Variants in CABP5 observed in about 807,000 individuals in gnomAD.
CABP5 encodes calcium-binding protein 5.
CABP5 carries 17 observed loss-of-function variants against 21.9 expected under a neutral mutation model. That is an observed-to-expected ratio of 0.78 (90% CI 0.53 to 1.17). The LOEUF (loss-of-function observed/expected upper bound fraction) is 1.17, where lower values mean the gene tolerates loss of function less well. CABP5 is among the 50% of genes most tolerant of loss of function. CABP5 has a pLI of 0.00. For missense variants in CABP5, 229 were observed against 228.9 expected (o/e 1.00, Z 0.00); for synonymous variants, 85 against 79.4 (o/e 1.07, Z -0.37).
rs1967326592 is a variant in CABP5 at position 48,030,500 on chromosome 19, A to G, written c.*57T>C. 1 of 1,568,462 alleles carries G rather than the reference A, an allele frequency of 6.4e-7. No homozygotes were observed. Among genetic ancestry groups the G allele is most frequent in the African/African-American group, 1.4e-5 (1 of 72,184 alleles). ...TGGGGCTTTTGGGCTTTGGTTCTCCACAAGCGCTTGCTCCATGTTGACCAG... is the reference window on the plus strand; with the variant it reads ...TGGGGCTTTTGGGCTTTGGTTCTCCGCAAGCGCTTGCTCCATGTTGACCAG... On this transcript the variant is annotated 3_prime_UTR_variant, in exon 6 of 6. Coordinates refer to ENST00000293255, the MANE Select transcript of CABP5 (RefSeq NM_019855.5).
intron 5 of CABP5, among the ~76,000 whole-genome samples, chr19:48,031,961 C>T (rs1967345085): frequency 1.3e-5 from 2 of 151,470 alleles, no homozygotes; most frequent in Admixed American, 1.3e-4. Flanking sequence ...TTCCTCCTCT[C>T]TATCTAGGAT....
At chr19:48,038,168 G>C (rs1373972751) in intron 4 of CABP5, among the ~76,000 whole-genome samples, 1 of 152,100 alleles carries the variant, frequency 6.6e-6, no homozygotes, top group Non-Finnish European at 1.5e-5. Flanking sequence ...ACCTGCATCG[G>C]CCTCCCAAAG....
At chr19:48,043,390 A>G (rs1470802555) in intron 1 of CABP5, among the ~76,000 whole-genome samples, 1 of 150,450 alleles carries the variant, frequency 6.6e-6, no homozygotes. Flanking sequence ...GTAAAATGGG[A>G]ATGAAAGTCA....
chr19:48,035,060 CAA>C (rs1461583748), intron 4 of CABP5, among the ~76,000 whole-genome samples: 1 of 152,104 alleles, frequency 6.6e-6, no homozygotes, highest in African/African-American at 2.4e-5. Flanking sequence ...CAATAGATCT[CAA>C]AAGTTATTCC....
intron 4 of CABP5, among the ~76,000 whole-genome samples, chr19:48,037,259 C>CTTTTTTTTT (rs57230665): frequency 0.039 from 1,734 of 44,910 alleles, 441 homozygotes; most frequent in African/African-American, 0.064. Context: ...TACTATTCAG[C>CTTTTTTTTT]TTTTTTTTTT....
chr19:48,034,226 A>C lies in CABP5; in HGVS notation c.485T>G (p.Val162Gly), dbSNP rs894782007. The C allele has an allele frequency of 1.1e-5, 17 of 1,584,338 alleles. No individual in the cohort carries two copies. The highest frequency in any genetic ancestry group is 1.4e-5 in the Non-Finnish European group (16 of 1,166,266). ...READVNGDGT[V>G]DFEEFVKMMS... ...CCCGTCAATGTCACCTTCAAAGTCA[A>C]CTGTGCCGTCTCCATTAACATCAGC... Residue 162 changes from valine (V) to glycine (G), a missense_variant, in exon 5 of 6, where the codon GTT becomes GGT. Coordinates refer to ENST00000293255, the MANE Select transcript of CABP5 (RefSeq NM_019855.5).
chr19:48,039,278 A>G lies in CABP5; in HGVS notation c.278T>C (p.Met93Thr). Residue 93 changes from methionine to threonine, a missense_variant, in exon 4 of 6, where the codon ATG becomes ACG. By Grantham distance (81) the Met-to-Thr change is moderately conservative (BLOSUM62 -1). Transcript: ENST00000293255. ...RVDFDDFVELMTPKLLAETAG... is the reference protein window; with the variant it reads ...RVDFDDFVELTTPKLLAETAG... Reference sequence around the variant, plus strand: ...TGTTTCTGCAAGCAATTTGGGGGTCATCAGCTCCACAAAGTCATCAAAGTC... The same window carrying G: ...TGTTTCTGCAAGCAATTTGGGGGTCGTCAGCTCCACAAAGTCATCAAAGTC... 2.5e-6 allele frequency: 4 copies of G among 1,614,134 alleles called. No homozygotes were observed. Among genetic ancestry groups the G allele is most frequent in the East Asian group, 4.5e-5 (2 of 44,874 alleles).
rs766598543 is a variant in CABP5, at chr19:48,030,561, C to T, written c.518G>A (p.Arg173His). The change falls in exon 6 of 6, where the codon CGC becomes CAC. Residue 173 changes from arginine (R) to histidine (H), a missense_variant. Arg to His is a conservative substitution (Grantham distance 29). Transcript: ENST00000293255. The part of the protein sequence containing the change: ...DFEEFVKMMS[R>H] ...TCTGGAGCTTCCAGGACCTCCTCAG[C>T]GAGACATCATCTTCACAAACTCTGC... 8.1e-6 allele frequency: 13 copies of T among 1,612,820 alleles called. No homozygotes were observed. Among genetic ancestry groups the T allele is most frequent in the Non-Finnish European group, 1.1e-5 (13 of 1,179,696 alleles).
chr19:48,041,748 T>C (rs116106209), intron 1 of CABP5, 145 bp from the exon 2 acceptor site: 1 of 698,868 alleles, frequency 1.4e-6, no homozygotes, highest in Non-Finnish European at 2.3e-6. Flanking sequence ...CCATTCCTTT[T>C]CCCATCTCCT....
At chr19:48,040,224 T>C (rs551638532) in intron 3 of CABP5, among the ~76,000 whole-genome samples, 62 of 152,314 alleles carry the variant, frequency 4.1e-4, no homozygotes, top group Non-Finnish European at 6.6e-4. Flanking sequence ...AAGAATTTAC[T>C]GGAGGCTAAG....
At chr19:48,032,775 C>T (rs572786624) in intron 5 of CABP5, among the ~76,000 whole-genome samples, 3 of 151,978 alleles carry the variant, frequency 2.0e-5, no homozygotes, top group Non-Finnish European at 4.4e-5. Context: ...GGACTACAGG[C>T]GTGCACTGTC....
chr19:48,035,640 T>G (rs898626997), intron 4 of CABP5, among the ~76,000 whole-genome samples: 1 of 152,134 alleles, frequency 6.6e-6, no homozygotes, highest in Non-Finnish European at 1.5e-5. Flanking sequence ...CTGCTTACAT[T>G]GTATTTATTT....
intron 5 of CABP5, among the ~76,000 whole-genome samples, chr19:48,030,976 A>G (rs900138288): frequency 1.3e-5 from 2 of 152,076 alleles, no homozygotes; most frequent in Non-Finnish European, 2.9e-5. Flanking sequence ...AAAAAAATTA[A>G]AAAATTAAAT....
Position 48,039,307 on chromosome 19 carries a change from A to G in CABP5, c.249T>C (p.Arg83=). 1.2e-6 allele frequency: 2 copies of G among 1,613,944 alleles called. No homozygotes were observed. The highest frequency in any genetic ancestry group is 1.7e-6 in the Non-Finnish European group (2 of 1,179,856). Residue 83 remains arginine (R), a synonymous_variant, in exon 4 of 6, where the codon CGT becomes CGC. Coordinates refer to ENST00000293255, the MANE Select transcript of CABP5 (RefSeq NM_019855.5). ...GCTCCACAAAGTCATCAAAGTCTAC[A>G]CGGCCACCCACTGAGGAAGATGGCA... ...GQQIRMNLGG[R]VDFDDFVELM...
Position 48,035,320 on chromosome 19 carries a change from G to A in CABP5, c.349-958C>T, listed in dbSNP as rs147983061. Among the ~76,000 whole-genome samples the A allele has an allele frequency of 1.6e-3, 239 of 152,276 alleles. 1 individual carries two copies. The highest frequency in any genetic ancestry group is 3.4e-3 in the Middle Eastern group (1 of 294). ...CTTCTTTTTAAAAGCTGAATATGCC[G>A]GACTCAGTGGCTCATGCCTGTAATC... On this transcript the variant is annotated intron_variant, in intron 4 of 5. Coordinates refer to ENST00000293255, the MANE Select transcript of CABP5 (RefSeq NM_019855.5).
At chr19:48,030,684 C>T (rs1967329866) in intron 5 of CABP5, 102 bp from the exon 6 acceptor site, 5 of 1,101,688 alleles carry the variant, frequency 4.5e-6, no homozygotes, top group Non-Finnish European at 6.8e-6. Flanking sequence ...CTGGTGATCC[C>T]TGGGAAATTA....
rs773720771 is a variant in CABP5 at position 48,039,275 on chromosome 19, G to T, written c.281C>A (p.Thr94Asn). 27 of 1,614,064 alleles carry T rather than the reference G, an allele frequency of 1.7e-5. 1 individual carries two copies. In the Middle Eastern group the frequency reaches 3.5e-3, roughly 207 times the overall value. The change falls in exon 4 of 6, where the codon ACC becomes AAC. Residue 94 changes from threonine to asparagine, a missense_variant. Transcript: ENST00000293255. ...AGCTGTTTCTGCAAGCAATTTGGGG[G>T]TCATCAGCTCCACAAAGTCATCAAA... ...VDFDDFVELMTPKLLAETAGM... is the reference protein window; with the variant it reads ...VDFDDFVELMNPKLLAETAGM...
At chr19:48,041,415 C>T in intron 2 of CABP5, 158 bp downstream of exon 2, 1 of 734,556 alleles carries the variant, frequency 1.4e-6, no homozygotes, top group Non-Finnish European at 2.3e-6. Flanking sequence ...CCTTCAACTG[C>T]CACGAGAAAG....
In CABP5 at chr19:48,034,292, TC is replaced by T. The variant is rs763353759; in HGVS notation, c.418del (p.Glu140SerfsTer29). The T allele has an allele frequency of 2.5e-5, 41 of 1,607,876 alleles. No individual in the cohort carries two copies. The highest frequency in any genetic ancestry group is 3.2e-5 in the Non-Finnish European group (38 of 1,177,418). ...AGAGATCTCCCGGGGGGTGAGCCGC[TC>T]CCCCAGGAGTCTCTGCATGGCCTGC... Reference protein sequence around the residue: ...LQQAMQRLLGERLTPREISEV... With the variant: ...LQQAMQRLLGXRLTPREISEV... On this transcript the variant is annotated frameshift_variant, in exon 5 of 6. Transcript: ENST00000293255. LOFTEE classifies it high-confidence loss of function.
Sources: gnomAD v4.1 joint callset for allele counts (sites outside exome capture counted in the v4.1 genomes callset) on GRCh38, gnomAD v4.1.1 for gene constraint, MANE v1.5 for transcripts, NCBI Gene and HGNC (gene_info 2026-07-23, HGNC 2026-07-21) for gene names.